The following LGI1 variants were observed in gnomAD, a reference collection of about 807,000 sequenced individuals.
LGI1 encodes leucine-rich glioma-inactivated protein 1.
Under a neutral mutation model 57.7 loss-of-function variants are expected in LGI1, and 11 were observed. That is an observed-to-expected ratio of 0.19 (90% CI 0.12 to 0.32). The LOEUF (loss-of-function observed/expected upper bound fraction) is 0.32. LGI1 is among the 10% of genes least tolerant of loss of function. LGI1 has a pLI of 1.00. For synonymous variants in LGI1, 222 were observed against 241.9 expected (o/e 0.92, Z 0.76); for missense variants, 422 against 661.9 (o/e 0.64, Z 3.98).
intron 4 of LGI1, chr10:93,788,404 T>C (rs2059908079): frequency 6.6e-6 from 1 of 151,772 alleles, no homozygotes. Flanking sequence ...GCCACTCTAC[T>C]GAGAGTAGTT....
Position 93,784,607 on chromosome 10 carries a change from T to C in LGI1, c.432-5492T>C, listed in dbSNP as rs79819100. On this transcript the variant is annotated intron_variant, in intron 4 of 7. Coordinates refer to ENST00000371418, the MANE Select transcript of LGI1 (RefSeq NM_005097.4). ...GCCTGGTACTCCTTAAACCAAAACA[T>C]GTAGAAAGTCTTTTTCCTGACAACT... 8.3e-4 allele frequency among the ~76,000 whole-genome samples: 126 copies of C among 152,188 alleles called. 1 individual carries two copies. Among genetic ancestry groups the C allele is most frequent in the African/African-American group, 2.8e-3 (116 of 41,524 alleles).
intron 4 of LGI1, among the ~76,000 whole-genome samples, chr10:93,778,439 A>ATT (rs2059815879): frequency 6.6e-6 from 1 of 152,124 alleles, no homozygotes; most frequent in Non-Finnish European, 1.5e-5. Flanking sequence ...ATACACACAG[A>ATT]TTATTTTAAG....
chr10:93,758,033 T>C lies in LGI1; in HGVS notation c.-112T>C. 2 of 919,216 alleles carry C rather than the reference T, an allele frequency of 2.2e-6. No homozygotes were observed. The highest frequency in any genetic ancestry group is 1.6e-5 in the African/African-American group (1 of 60,998). 56.9% of individuals were successfully genotyped at this position (919,216 alleles called of 1,614,324 possible). A position where few individuals can be genotyped will look rare whatever the true frequency, so the allele number is the denominator to read the frequency against. On this transcript the variant is annotated 5_prime_UTR_variant, in exon 1 of 8. Transcript: ENST00000371418. The surrounding 1 kb of genome is among the most constrained non-coding windows in gnomAD (Gnocchi z 4.7). ...GGTCTCTGTTTTGAAAAAGCAGAGATACAGAGGCAGAGGAAAAGGGTGGAC... is the reference window on the plus strand; with the variant it reads ...GGTCTCTGTTTTGAAAAAGCAGAGACACAGAGGCAGAGGAAAAGGGTGGAC...
At chr10:93,788,386 T>C (rs894735901) in intron 4 of LGI1, 1 of 152,226 alleles carries the variant, frequency 6.6e-6, no homozygotes, top group Non-Finnish European at 1.5e-5. Context: ...TGTTCTCTTC[T>C]GACACCAGCC....
intron 4 of LGI1, among the ~76,000 whole-genome samples, chr10:93,785,079 G>A (rs746061590): frequency 6.6e-6 from 1 of 151,952 alleles, no homozygotes. Flanking sequence ...ATATATATGT[G>A]CATATGTAGT....
chr10:93,793,198 C>T lies in LGI1; in HGVS notation c.686C>T (p.Ser229Phe). Residue 229 changes from serine (S) to phenylalanine (F), a missense_variant, in exon 7 of 8, where the codon TCT (serine) becomes TTT (phenylalanine). Ser to Phe is a radical substitution (Grantham distance 155). This residue lies in a region of LGI1 where 301 missense variants were observed against 461.7 expected (regional missense o/e 0.65). Transcript: ENST00000371418. ...FDCIITEFAK[S>F]QDLPYQSLSI... Reference sequence around the variant, plus strand: ...CCTATTTTTGCAGAATTTGCAAAGTCTCAAGACCTGCCTTATCAATCATTG... The same window carrying T: ...CCTATTTTTGCAGAATTTGCAAAGTTTCAAGACCTGCCTTATCAATCATTG... The T allele has an allele frequency of 6.2e-7, 1 of 1,612,134 alleles. No homozygotes were observed. The highest frequency in any genetic ancestry group is 8.5e-7 in the Non-Finnish European group (1 of 1,179,156).
chr10:93,793,253 T>C lies in LGI1; in HGVS notation c.741T>C (p.Asp247=), dbSNP rs748315756. The change falls in exon 7 of 8, where the codon GAT becomes GAC. Residue 247 remains aspartate, a synonymous_variant. Transcript: ENST00000371418. ...TAGACACTTTTTCTTATTTGAATGATGAGTATGTAGTCATCGCTCAGCCTT... is the reference window on the plus strand; with the variant it reads ...TAGACACTTTTTCTTATTTGAATGACGAGTATGTAGTCATCGCTCAGCCTT... ...LSIDTFSYLN[D]EYVVIAQPFT... is the part of the protein sequence containing the mutation. 71 of 1,613,018 alleles carry C rather than the reference T, an allele frequency of 4.4e-5. No homozygotes were observed. Among genetic ancestry groups the C allele is most frequent in the Non-Finnish European group, 2.0e-5 (23 of 1,179,182 alleles).
chr10:93,793,065 TTAAAAG>T, intron 6 of LGI1, 115 bp from the exon 7 acceptor site: 1 of 1,168,560 alleles, frequency 8.6e-7, no homozygotes, highest in Non-Finnish European at 1.2e-6. Flanking sequence ...CTTCATGTGT[TTAAAAG>T]TAAAATGGCC....
Position 93,774,000 on chromosome 10 carries a change from CTGT to C in LGI1, c.288-3375_288-3373del, listed in dbSNP as rs1026449022. Among the ~76,000 whole-genome samples, 36 of 152,256 alleles carry C rather than the reference CTGT, an allele frequency of 2.4e-4. 4 individuals are homozygous for C. The highest frequency in any genetic ancestry group is 2.2e-3 in the Admixed American group (34 of 15,298). On this transcript the variant is annotated intron_variant, in intron 2 of 7. Transcript: ENST00000371418. ...CATAAACCCCTCCATGATGCTGCTG[CTGT>C]TGTGAGGATAGTTGTCACTTCCAAC...
chr10:93,780,242 CTTCT>C (rs1394813099), intron 4 of LGI1: 1 of 153,956 alleles, frequency 6.5e-6, no homozygotes, highest in East Asian at 1.9e-4. Flanking sequence ...TCCTTCCTTC[CTTCT>C]TTTATTCCTT....
At chr10:93,769,883 T>C (rs2059717626) in intron 2 of LGI1, 1 of 151,980 alleles carries the variant, frequency 6.6e-6, no homozygotes. Flanking sequence ...GGCTGAAACA[T>C]GGGATGTAGG....
In LGI1 at chr10:93,786,523, A is replaced by T. The variant is rs1345815164; in HGVS notation, c.432-3576A>T. ...ACCCTACACCTACCTCATTTTTAAA[A>T]TCTCCTACAAAATATTCCGTGTTAC... On this transcript the variant is annotated intron_variant, in intron 4 of 7. Coordinates refer to ENST00000371418, the MANE Select transcript of LGI1 (RefSeq NM_005097.4). Among the ~76,000 whole-genome samples the T allele has an allele frequency of 1.1e-4, 5 of 47,126 alleles. 2 individuals carry two copies. Among genetic ancestry groups the T allele is most frequent in the African/African-American group, 1.5e-4 (5 of 33,788 alleles). 30.9% of individuals were successfully genotyped at this position (47,126 alleles called of 152,430 possible). A position where few individuals can be genotyped will look rare whatever the true frequency, so the allele number is the denominator to read the frequency against.
chr10:93,790,079 C>CTTTTTTT lies in LGI1; in HGVS notation c.432-11_432-5dup. On this transcript the variant is annotated intron_variant, in intron 4 of 7. Transcript: ENST00000371418. ...AATTTATCACTACAGTTTACATCAC[C>CTTTTTTT]TTTTTTTTTTTTTTTCCAGGAGCCT... is the stretch of plus-strand genomic sequence containing the variant. The CTTTTTTT allele has an allele frequency of 7.1e-7, 1 of 1,406,940 alleles. No homozygotes were observed. 87.2% of individuals were successfully genotyped at this position (1,406,940 alleles called of 1,614,324 possible).
At chr10:93,783,306 G>A (rs2059864601) in intron 4 of LGI1, among the ~76,000 whole-genome samples, 1 of 152,194 alleles carries the variant, frequency 6.6e-6, no homozygotes, top group Non-Finnish European at 1.5e-5. Context: ...AACCCGGGAG[G>A]TGGAGCTTGC....
chr10:93,777,675 C>A, intron 4 of LGI1, 58 bp downstream of exon 4: 1 of 1,379,354 alleles, frequency 7.2e-7, no homozygotes, highest in South Asian at 1.2e-5. Flanking sequence ...GCAGTTTGAT[C>A]ACCTGTGGTT....
At chr10:93,770,270 A>G (rs1478012300) in intron 2 of LGI1, 1 of 152,254 alleles carries the variant, frequency 6.6e-6, no homozygotes, top group African/African-American at 2.4e-5. Context: ...GGTCAAATTT[A>G]TATTAGGCTT....
At chr10:93,783,635 A>C (rs573906245) in intron 4 of LGI1, among the ~76,000 whole-genome samples, 4 of 152,238 alleles carry the variant, frequency 2.6e-5, no homozygotes, top group African/African-American at 9.6e-5. Context: ...GCCTCAAAGG[A>C]GCATCCTCTG....
chr10:93,779,073 A>G, intron 4 of LGI1: 1 of 152,228 alleles, frequency 6.6e-6, no homozygotes, highest in Non-Finnish European at 1.5e-5. Flanking sequence ...TGTTTACAGA[A>G]TGAATGCTAT....
intron 2 of LGI1, 126 bp from the exon 3 acceptor site, chr10:93,777,253 T>C (rs1213786774): frequency 1.2e-6 from 1 of 803,070 alleles, no homozygotes. Context: ...TAACTAACAC[T>C]GTAGCAGACA....
Sources: gnomAD v4.1 joint callset for allele counts (sites outside exome capture counted in the v4.1 genomes callset) on GRCh38, gnomAD v4.1.1 for gene constraint, gnomAD v4.1.1 regional missense constraint, Gnocchi (gnomAD v3.1) non-coding constraint, MANE v1.5 for transcripts, NCBI Gene and HGNC (gene_info 2026-07-23, HGNC 2026-07-21) for gene names.